Variants in LAMA2 observed in about 807,000 individuals in gnomAD.
LAMA2 encodes laminin subunit alpha-2.
Under a neutral mutation model 364.8 loss-of-function variants are expected in LAMA2, and 269 were observed. The ratio of observed to expected loss-of-function variants is 0.74; its 90% CI spans 0.67 to 0.82. LAMA2 has a LOEUF of 0.82. Among genes scored for constraint, LAMA2 ranks in the 40% least tolerant of loss-of-function variants. The pLI is 0.00. For synonymous variants in LAMA2, 1,379 were observed against 1,370.6 expected, an observed-to-expected ratio of 1.01 and a Z score of -0.14; for missense variants, 3,807 against 3,873.2, an observed-to-expected ratio of 0.98 and a Z score of 0.45.
At chr6:129,195,919 A>G (rs920201587) in intron 12 of LAMA2, among the ~76,000 whole-genome samples, 1 of 152,102 alleles carries the variant, frequency 6.6e-6, no homozygotes, top group East Asian at 1.9e-4. Context: ...AGGTTGCCCT[A>G]GTGGTCTGAA....
chr6:129,320,050 T>A (rs954321146), intron 27 of LAMA2, among the ~76,000 whole-genome samples: 2 of 151,982 alleles, frequency 1.3e-5, no homozygotes, highest in Non-Finnish European at 1.5e-5. Context: ...GGAGAATCAC[T>A]TGAACCTGGT....
intron 1 of LAMA2, among the ~76,000 whole-genome samples, chr6:128,921,812 T>C (rs2114489129): frequency 6.6e-6 from 1 of 150,744 alleles, no homozygotes; most frequent in East Asian, 2.0e-4. Context: ...ACCCACTAAC[T>C]CGTCATCTAG....
At chr6:129,489,812 T>C (rs1452910431) in intron 56 of LAMA2, among the ~76,000 whole-genome samples, 1 of 152,086 alleles carries the variant, frequency 6.6e-6, no homozygotes, top group Admixed American at 6.5e-5. Context: ...CTTCCACGTA[T>C]GCAATCCAAC....
intron 1 of LAMA2, among the ~76,000 whole-genome samples, chr6:128,932,518 A>G (rs2114519077): frequency 6.6e-6 from 1 of 152,300 alleles, no homozygotes; most frequent in East Asian, 1.9e-4. Flanking sequence ...ATTAAGTTCT[A>G]AGTTTCACTG....
At chr6:129,512,025 C>G (rs1362358753) in intron 62 of LAMA2, among the ~76,000 whole-genome samples, 1 of 152,138 alleles carries the variant, frequency 6.6e-6, no homozygotes, top group Non-Finnish European at 1.5e-5. Context: ...CAGTGTGTAT[C>G]CATTTATTCA....
rs541145489 is a variant in LAMA2, at chr6:129,402,171, T to C, written c.5563-153T>C. ...TTGCAGTGAGCTGAGATCGCACCACTGCATTCCAGCCTGGGTGACAGAGCA... is the reference window on the plus strand; with the variant it reads ...TTGCAGTGAGCTGAGATCGCACCACCGCATTCCAGCCTGGGTGACAGAGCA... On this transcript the variant is annotated intron_variant, in intron 38 of 64. Transcript: ENST00000421865. 5.6e-5 allele frequency among the ~76,000 whole-genome samples: 8 copies of C among 143,584 alleles called. No homozygotes were observed. The Admixed American group carries it at 5.8e-4, about 10-fold the overall frequency. 94.2% of individuals were successfully genotyped at this position (143,584 alleles called of 152,430 possible).
intron 1 of LAMA2, among the ~76,000 whole-genome samples, chr6:128,908,187 T>C (rs1303346823): frequency 6.7e-6 from 1 of 149,352 alleles, no homozygotes; most frequent in Non-Finnish European, 1.5e-5. Context: ...TTTCTATTGA[T>C]TGGAATAGTT....
At chr6:129,047,141 G>A (rs1323722048) in intron 1 of LAMA2, among the ~76,000 whole-genome samples, 2 of 151,880 alleles carry the variant, frequency 1.3e-5, no homozygotes, top group Admixed American at 6.6e-5. Flanking sequence ...CCTGACAAAC[G>A]TCACAAAATT....
intron 3 of LAMA2, among the ~76,000 whole-genome samples, chr6:129,073,451 C>T (rs903336136): frequency 1.3e-5 from 2 of 152,088 alleles, no homozygotes; most frequent in African/African-American, 4.8e-5. Flanking sequence ...GATATTTTCT[C>T]GAATGTTGTT....
At chr6:128,962,731 A>C (rs1190170709) in intron 1 of LAMA2, among the ~76,000 whole-genome samples, 1 of 152,224 alleles carries the variant, frequency 6.6e-6, no homozygotes, top group Non-Finnish European at 1.5e-5. Flanking sequence ...GTACTAAAGA[A>C]GTCTATAAAT....
At chr6:128,914,143 T>C (rs996670326) in intron 1 of LAMA2, among the ~76,000 whole-genome samples, 1 of 152,152 alleles carries the variant, frequency 6.6e-6, no homozygotes, top group Non-Finnish European at 1.5e-5. Flanking sequence ...TAGAAAGAAA[T>C]TGCATTTCTA....
rs143842422 is a variant in LAMA2 at position 129,022,418 on chromosome 6, A to T, written c.113-27500A>T. ...GGCAGGCTCTCATTGTGTATTCATC[A>T]CCACACTAACCACTCATTTACTCCG... On this transcript the variant is annotated intron_variant, in intron 1 of 64. Transcript: ENST00000421865. 1.8e-4 allele frequency among the ~76,000 whole-genome samples: 28 copies of T among 152,284 alleles called. No individual in the cohort carries two copies. In the East Asian group the frequency reaches 4.1e-3, roughly 22 times the overall value.
chr6:129,080,425 C>T (rs567107100), intron 3 of LAMA2, among the ~76,000 whole-genome samples: 2 of 151,756 alleles, frequency 1.3e-5, no homozygotes, highest in South Asian at 4.1e-4. Context: ...ATTTAAAACT[C>T]TAAAAAGTGA....
intron 12 of LAMA2, among the ~76,000 whole-genome samples, chr6:129,206,565 C>T (rs1782693553): frequency 6.6e-6 from 1 of 152,186 alleles, no homozygotes. Context: ...TTGAATAGCA[C>T]TCTTATCTTT....
intron 31 of LAMA2, among the ~76,000 whole-genome samples, chr6:129,351,018 C>T (rs925061230): frequency 1.3e-5 from 2 of 152,198 alleles, no homozygotes; most frequent in African/African-American, 4.8e-5. Context: ...AAGATATATA[C>T]ATCTTTTGGA....
At chr6:129,045,100 A>G (rs1582930331) in intron 1 of LAMA2, among the ~76,000 whole-genome samples, 1 of 152,182 alleles carries the variant, frequency 6.6e-6, no homozygotes, top group Non-Finnish European at 1.5e-5. Flanking sequence ...TTGCTGACCA[A>G]TATGCTTAAC....
intron 1 of LAMA2, among the ~76,000 whole-genome samples, chr6:128,885,439 A>T (rs1342624726): frequency 6.6e-6 from 1 of 152,168 alleles, no homozygotes; most frequent in Non-Finnish European, 1.5e-5. Context: ...CAACTAAAAC[A>T]CTTCCGGTAT....
At chr6:129,371,114 T>C (rs1318065987) in intron 34 of LAMA2, among the ~76,000 whole-genome samples, 1 of 152,192 alleles carries the variant, frequency 6.6e-6, no homozygotes, top group Non-Finnish European at 1.5e-5. Flanking sequence ...AAATAAGAAT[T>C]TTCTAACAGG....
rs368485232 is a variant in LAMA2 at position 129,194,327 on chromosome 6, ATT to A, written c.1782+1475_1782+1476del. ...AATTAAAGTAGCTTATAATAGAAAT[ATT>A]CTTTACCAGATTTTCCATCCTTTCT... On this transcript the variant is annotated intron_variant, in intron 12 of 64. Transcript: ENST00000421865. 7.2e-5 allele frequency among the ~76,000 whole-genome samples: 11 copies of A among 152,296 alleles called. No individual in the cohort carries two copies. In the East Asian group the frequency reaches 2.1e-3, roughly 29 times the overall value.
Sources: allele counts gnomAD v4.1 joint callset (sites outside exome capture counted in the v4.1 genomes callset), GRCh38; gene constraint gnomAD v4.1.1; transcripts MANE v1.5; gene names NCBI Gene and HGNC (gene_info 2026-07-23, HGNC 2026-07-21).